The following CYFIP1 variants were observed in gnomAD, a reference collection of about 807,000 sequenced individuals.
CYFIP1 encodes the protein cytoplasmic FMR1 interacting protein 1, also known as cytoplasmic FMR1-interacting protein 1.
CYFIP1 carries 58 observed loss-of-function variants against 163.5 expected under a neutral mutation model. That is an observed-to-expected ratio of 0.35 (90% confidence interval 0.29 to 0.44). The LOEUF (loss-of-function observed/expected upper bound fraction) is 0.44, where lower values mean the gene tolerates loss of function less well. CYFIP1 is among the 20% of genes least tolerant of loss of function. The pLI, the probability that CYFIP1 is intolerant of heterozygous loss-of-function variation, is 1.00. For synonymous variants in CYFIP1, 663 were observed against 660.7 expected (o/e 1.00, Z -0.05); for missense variants, 1,338 against 1,653.8 (o/e 0.81, Z 3.31).
chr15:22,938,843 T>C (rs990652928), intron 8 of CYFIP1, among the ~76,000 whole-genome samples: 13 of 149,158 alleles, frequency 8.7e-5, no homozygotes, highest in African/African-American at 3.0e-4. Context: ...GTTGAGGCTA[T>C]ATTGGGCTGT....
At chr15:22,938,118 G>A (rs1016772605) in intron 8 of CYFIP1, among the ~76,000 whole-genome samples, 13 of 152,196 alleles carry the variant, frequency 8.5e-5, no homozygotes, top group Admixed American at 3.9e-4. Flanking sequence ...CTGCAGAGGT[G>A]GAGAAGAGAG....
At chr15:22,898,047 C>T (rs1350969877) in intron 22 of CYFIP1, among the ~76,000 whole-genome samples, 1 of 152,144 alleles carries the variant, frequency 6.6e-6, no homozygotes, top group Admixed American at 6.5e-5. Context: ...CCAAGCTGTA[C>T]TTGGACTGTT....
At chr15:22,952,140 A>T (rs886271959) in intron 1 of CYFIP1, among the ~76,000 whole-genome samples, 1 of 152,206 alleles carries the variant, frequency 6.6e-6, no homozygotes, top group Non-Finnish European at 1.5e-5. Flanking sequence ...TCACAAAAGA[A>T]AAAACGCCGC....
chr15:22,976,387 CCCTT>C (rs2063281057), intron 1 of CYFIP1, among the ~76,000 whole-genome samples: 1 of 152,010 alleles, frequency 6.6e-6, no homozygotes, highest in Non-Finnish European at 1.5e-5. Context: ...CGAACTCCTG[CCCTT>C]GTGATCCGCC....
intron 16 of CYFIP1, among the ~76,000 whole-genome samples, chr15:22,916,022 G>A (rs574863595): frequency 2.0e-5 from 3 of 152,296 alleles, no homozygotes; most frequent in East Asian, 1.9e-4. Flanking sequence ...GAGAACACGG[G>A]ACAGACACAC....
At chr15:22,932,451 T>G (rs1033111601) in intron 10 of CYFIP1, 111 bp from the exon 11 acceptor site, 2 of 609,010 alleles carry the variant, frequency 3.3e-6, no homozygotes, top group Admixed American at 3.9e-5. Context: ...GGCTTTTATG[T>G]TTTTAAAGGG....
chr15:22,923,273 A>C lies in CYFIP1; in HGVS notation c.1359+2709T>G, dbSNP rs148978988. Among the ~76,000 whole-genome samples the C allele has an allele frequency of 1.8e-3, 267 of 152,332 alleles. 1 individual carries two copies. Among genetic ancestry groups the C allele is most frequent in the African/African-American group, 3.7e-3 (152 of 41,580 alleles). ...GAACTGTTACAACTCAATAATAAAA[A>C]AGATAACCTAATTAAAAATGGGCAA... On this transcript the variant is annotated intron_variant, in intron 13 of 30. Coordinates refer to ENST00000617928, the MANE Select transcript of CYFIP1 (RefSeq NM_014608.6).
intron 21 of CYFIP1, 70 bp from the exon 22 acceptor site, chr15:22,903,975 G>C: frequency 7.0e-7 from 1 of 1,434,824 alleles, no homozygotes; most frequent in Non-Finnish European, 9.6e-7. Context: ...AGTGGCCTCT[G>C]ATCCCACCCA....
chr15:22,911,267 C>T (rs1033171900), intron 18 of CYFIP1, among the ~76,000 whole-genome samples: 1 of 152,128 alleles, frequency 6.6e-6, no homozygotes, highest in Non-Finnish European at 1.5e-5. Flanking sequence ...GGAGTGACTA[C>T]CACACTGCCA....
At chr15:22,904,845 C>G (rs1219673873) in intron 21 of CYFIP1, 1 of 152,168 alleles carries the variant, frequency 6.6e-6, no homozygotes, top group Non-Finnish European at 1.5e-5. Context: ...TACGCAGGGC[C>G]CTGCTCTGAA....
Position 22,910,824 on chromosome 15 carries a change from AG to A in CYFIP1, c.2083-12del, listed in dbSNP as rs1442350707. ...AAAACATAGATTCACCTGAAGAAAAAGAAAGCACACGTTACAGTTTGATTCC... is the reference window on the plus strand; with the variant it reads ...AAAACATAGATTCACCTGAAGAAAAAAAAGCACACGTTACAGTTTGATTCC... On this transcript the variant is annotated splice_polypyrimidine_tract_variant and intron_variant, in intron 18 of 30. Transcript: ENST00000617928. 3.7e-6 allele frequency: 6 copies of A among 1,609,896 alleles called. 1 individual carries two copies. In the South Asian group the frequency reaches 6.6e-5, roughly 18 times the overall value.
chr15:22,928,910 G>C (rs982150538), intron 11 of CYFIP1, among the ~76,000 whole-genome samples: 1 of 151,756 alleles, frequency 6.6e-6, no homozygotes, highest in Admixed American at 6.6e-5. Context: ...TAAACACCAC[G>C]GTGTGACTTA....
intron 9 of CYFIP1, among the ~76,000 whole-genome samples, chr15:22,935,425 C>T (rs948625504): frequency 1.3e-5 from 2 of 152,102 alleles, no homozygotes; most frequent in African/African-American, 4.8e-5. Context: ...GAAGTCAGTT[C>T]CAGGGGGATT....
rs35556120 is a variant in CYFIP1 at position 22,975,441 on chromosome 15, C to CAAAAAA, written c.-7+4840_-7+4845dup. ...GCCGAGACAGAGCGAGACTCCGTCTCAAAAAAAAAAAAAAAAAAAAAAAAG... is the reference window on the plus strand; with the variant it reads ...GCCGAGACAGAGCGAGACTCCGTCTCAAAAAAAAAAAAAAAAAAAAAAAAAAAAAAG... On this transcript the variant is annotated intron_variant, in intron 1 of 30. Transcript: ENST00000617928. Among the ~76,000 whole-genome samples the CAAAAAA allele has an allele frequency of 8.3e-4, 59 of 71,336 alleles. 1 individual carries two copies. Among genetic ancestry groups the CAAAAAA allele is most frequent in the African/African-American group, 3.4e-3 (57 of 16,606 alleles). 46.8% of individuals were successfully genotyped at this position (71,336 alleles called of 152,430 possible).
rs983336626 is a variant in CYFIP1 at position 22,882,910 on chromosome 15, G to A, written c.2778C>T (p.Ile926=). 6.8e-6 allele frequency: 11 copies of A among 1,614,038 alleles called. No homozygotes were observed. The highest frequency in any genetic ancestry group is 2.2e-5 in the East Asian group (1 of 44,874). Residue 926 remains isoleucine, a synonymous_variant, in exon 24 of 31, where the codon ATC becomes ATT. Transcript: ENST00000617928. ...VICRLLGYQG[I]AVVMEELLKV... ...TCAGCAGCTCCTCCATGACCACGGC[G>A]ATACCCTGGTAGCCGAGAAGCCGGC...
intron 20 of CYFIP1, 116 bp downstream of exon 20, chr15:22,910,404 C>T (rs763721967): frequency 3.6e-5 from 28 of 767,534 alleles, no homozygotes; most frequent in South Asian, 1.9e-4. Context: ...TCAGGTGATC[C>T]GCCCACCTTG....
At chr15:22,870,712 A>C (rs754906233) in intron 30 of CYFIP1, among the ~76,000 whole-genome samples, 8 of 152,160 alleles carry the variant, frequency 5.3e-5, no homozygotes, top group Non-Finnish European at 1.2e-4. Flanking sequence ...ATTCATGCGC[A>C]CAATTGATAG....
intron 20 of CYFIP1, among the ~76,000 whole-genome samples, chr15:22,910,309 C>A (rs190904030): frequency 6.6e-6 from 1 of 152,214 alleles, no homozygotes; most frequent in African/African-American, 2.4e-5. Flanking sequence ...CTACAGGAAC[C>A]CACCAGCACG....
chr15:22,877,291 A>C (rs1034794853), intron 26 of CYFIP1, among the ~76,000 whole-genome samples: 1 of 152,148 alleles, frequency 6.6e-6, no homozygotes, highest in East Asian at 1.9e-4. Context: ...CTGTTCCCCC[A>C]GAGCTGAAGC....
Sources: gnomAD v4.1 joint callset for allele counts (sites outside exome capture counted in the v4.1 genomes callset) on GRCh38, gnomAD v4.1.1 for gene constraint, MANE v1.5 for transcripts, NCBI Gene and HGNC (gene_info 2026-07-23, HGNC 2026-07-21) for gene names.